Variants in RNF220 observed in about 807,000 individuals in gnomAD.
RNF220 encodes the protein E3 ubiquitin-protein ligase RNF220.
A neutral mutation model predicts 67.1 loss-of-function variants in RNF220; 7 were observed. The observed-to-expected ratio is 0.10, with a 90% confidence interval of 0.06 to 0.20. The LOEUF (loss-of-function observed/expected upper bound fraction) is 0.20, where lower values mean the gene tolerates loss of function less well. Among genes scored for constraint, RNF220 ranks in the 10% least tolerant of loss-of-function variants. RNF220 has a pLI of 1.00. For synonymous variants in RNF220, 270 were observed against 283.2 expected (o/e 0.95, Z 0.47); for missense variants, 565 against 740.3 (o/e 0.76, Z 2.75).
chr1:44,525,055 TCTC>T (rs1266032501), intron 2 of RNF220, among the ~76,000 whole-genome samples: 1 of 152,202 alleles, frequency 6.6e-6, no homozygotes, highest in African/African-American at 2.4e-5. Context: ...GCAAAATTCT[TCTC>T]TGTGGGTTTC....
At position 44,542,566 on chromosome 1, in the gene RNF220, G is replaced by T. The variant is rs182705993; in HGVS notation, c.626-71599G>T. ...TTTTCCCTCCACAGCGTGTCCCCAG[G>T]GGGGAGCTAGGGTTCCAGGAAGAGA... On this transcript the variant is annotated intron_variant, in intron 2 of 14. Coordinates refer to ENST00000361799, the MANE Select transcript of RNF220 (RefSeq NM_018150.4). Among the ~76,000 whole-genome samples the T allele has an allele frequency of 7.9e-5, 12 of 152,296 alleles. 1 individual carries two copies. The South Asian group carries it at 8.3e-4, about 11-fold the overall frequency.
chr1:44,493,784 G>A (rs12085626), intron 2 of RNF220, among the ~76,000 whole-genome samples: 2,376 of 152,052 alleles, frequency 0.016, 63 homozygotes, highest in African/African-American at 0.054. Flanking sequence ...AGACCAGCCT[G>A]GGCAACATAG....
At chr1:44,479,757 C>G (rs1481821754) in intron 2 of RNF220, among the ~76,000 whole-genome samples, 1 of 152,096 alleles carries the variant, frequency 6.6e-6, no homozygotes, top group Non-Finnish European at 1.5e-5. Flanking sequence ...ATTTTTCAAC[C>G]CCACAAATTC....
intron 2 of RNF220, among the ~76,000 whole-genome samples, chr1:44,578,087 A>G (rs2148335371): frequency 6.7e-6 from 1 of 150,330 alleles, no homozygotes; most frequent in South Asian, 2.1e-4. Context: ...GATGATGGGT[A>G]GAATCTTCCA....
intron 2 of RNF220, among the ~76,000 whole-genome samples, chr1:44,474,840 T>C (rs1332638168): frequency 6.6e-6 from 1 of 152,186 alleles, no homozygotes; most frequent in Non-Finnish European, 1.5e-5. Context: ...CAAAAGGATA[T>C]GTGAAGGTCA....
At chr1:44,534,956 C>T (rs1661087110) in intron 2 of RNF220, among the ~76,000 whole-genome samples, 1 of 151,976 alleles carries the variant, frequency 6.6e-6, no homozygotes, top group Non-Finnish European at 1.5e-5. Context: ...CTATTTAGAG[C>T]GGGAAAGGGG....
intron 3 of RNF220, among the ~76,000 whole-genome samples, chr1:44,620,707 C>T (rs1643754250): frequency 2.6e-5 from 4 of 152,156 alleles, no homozygotes; most frequent in Admixed American, 2.6e-4. Flanking sequence ...TACACTCAGA[C>T]CTTGGCCTCA....
Position 44,635,855 on chromosome 1 carries a change from A to C in RNF220, c.994-175A>C. 7 of 1,333,834 alleles carry C rather than the reference A, an allele frequency of 5.2e-6. No individual in the cohort carries two copies. The South Asian group carries it at 9.9e-5, about 19-fold the overall frequency. The allele number at this position is 1,333,834 out of a possible 1,614,324, so 82.6% of individuals were successfully genotyped here. ...CCTCCTTGGGCTCCAGCGGAAAACT[A>C]TTGGGAAGAGGCCCAGGTCTTTGAC... On this transcript the variant is annotated intron_variant, in intron 7 of 14. Coordinates refer to ENST00000361799, the MANE Select transcript of RNF220 (RefSeq NM_018150.4).
intron 2 of RNF220, among the ~76,000 whole-genome samples, chr1:44,578,182 T>A (rs1458559660): frequency 7.1e-6 from 1 of 141,770 alleles, no homozygotes; most frequent in East Asian, 2.1e-4. Flanking sequence ...AGAGTCGTGC[T>A]CTGTCTCCCA....
At chr1:44,619,115 A>C (rs1177874698) in intron 3 of RNF220, among the ~76,000 whole-genome samples, 1 of 152,164 alleles carries the variant, frequency 6.6e-6, no homozygotes, top group Non-Finnish European at 1.5e-5. Context: ...TGGCCCCCAG[A>C]CTTCCCAGTG....
intron 2 of RNF220, among the ~76,000 whole-genome samples, chr1:44,416,656 G>T (rs1181542484): frequency 6.6e-6 from 1 of 152,252 alleles, no homozygotes; most frequent in African/African-American, 2.4e-5. Context: ...GCGTGGAGCG[G>T]CGACTGGCCC....
At chr1:44,413,975 C>A (rs887469746) in intron 2 of RNF220, among the ~76,000 whole-genome samples, 1 of 152,252 alleles carries the variant, frequency 6.6e-6, no homozygotes, top group Non-Finnish European at 1.5e-5. Flanking sequence ...ATAAAATCAA[C>A]CTGCCTTGTA....
intron 1 of RNF220, among the ~76,000 whole-genome samples, chr1:44,405,768 T>A (rs1423083338): frequency 1.4e-5 from 2 of 142,574 alleles, no homozygotes; most frequent in Non-Finnish European, 3.0e-5. Flanking sequence ...GCTCAAACTT[T>A]CCGTCTTGAG....
chr1:44,441,466 A>AT, intron 2 of RNF220, among the ~76,000 whole-genome samples: 1 of 152,344 alleles, frequency 6.6e-6, no homozygotes, highest in East Asian at 1.9e-4. Flanking sequence ...GATCATACAG[A>AT]ACAGGAATAA....
At chr1:44,602,931 C>T (rs989152980) in intron 2 of RNF220, among the ~76,000 whole-genome samples, 2 of 152,116 alleles carry the variant, frequency 1.3e-5, no homozygotes, top group Non-Finnish European at 2.9e-5. Context: ...CAGCTGTCAC[C>T]GCCCGGCTGC....
At chr1:44,648,824 G>T (rs559042762) in intron 12 of RNF220, 1 of 152,286 alleles carries the variant, frequency 6.6e-6, no homozygotes, top group East Asian at 1.9e-4. Context: ...GCCATAGTCA[G>T]TATTGGTGGA....
intron 2 of RNF220, among the ~76,000 whole-genome samples, chr1:44,474,378 AAATAATAATAATAATAATAATAAT>A (rs61147848): frequency 1.5e-5 from 2 of 137,668 alleles, no homozygotes; most frequent in African/African-American, 5.4e-5. Flanking sequence ...CTGTCTCCAA[AAATAATAATAATAATAATAATAAT>A]AATAATAATA....
intron 2 of RNF220, among the ~76,000 whole-genome samples, chr1:44,586,928 GT>G (rs1435941426): frequency 2.6e-5 from 4 of 152,082 alleles, no homozygotes; most frequent in Non-Finnish European, 5.9e-5. Flanking sequence ...TTTACATGGG[GT>G]TCTCAGTAAC....
chr1:44,608,184 C>G (rs997717930), intron 2 of RNF220, among the ~76,000 whole-genome samples: 3 of 152,122 alleles, frequency 2.0e-5, no homozygotes, highest in Non-Finnish European at 4.4e-5. Context: ...CTCGGCCTCT[C>G]GAAGTGCTAG....
Sources: allele counts gnomAD v4.1 joint callset (sites outside exome capture counted in the v4.1 genomes callset), GRCh38; gene constraint gnomAD v4.1.1; transcripts MANE v1.5; gene names NCBI Gene and HGNC (gene_info 2026-07-23, HGNC 2026-07-21).